PHACTR1: variants seen among roughly 807,000 people sequenced by gnomAD.
The protein encoded by PHACTR1 is RPEL repeat containing 1.
PHACTR1 carries 16 observed loss-of-function variants against 69.2 expected under a neutral mutation model. That is an observed-to-expected ratio of 0.23 (90% CI 0.16 to 0.35). The LOEUF is 0.35. Among genes scored for constraint, PHACTR1 ranks in the 10% least tolerant of loss-of-function variants. The probability of loss-of-function intolerance (pLI) is 1.00; values close to 1 mark genes in which losing one functional copy is unlikely to be tolerated. For missense variants in PHACTR1, 510 were observed against 734.7 expected (o/e 0.69, Z 3.54); for synonymous variants, 312 against 284.5 (o/e 1.10, Z -0.97).
At chr6:13,064,463 A>G (rs1808181581) in intron 5 of PHACTR1, among the ~76,000 whole-genome samples, 1 of 150,118 alleles carries the variant, frequency 6.7e-6, no homozygotes, top group Non-Finnish European at 1.5e-5. Context: ...CAATGCAGAT[A>G]TAATAAGCAA....
At chr6:12,757,550 A>G (rs1040863230) in intron 4 of PHACTR1, among the ~76,000 whole-genome samples, 2 of 152,198 alleles carry the variant, frequency 1.3e-5, no homozygotes, top group African/African-American at 4.8e-5. Context: ...TTTGGAGGCT[A>G]TGAACGGTGG....
At chr6:13,276,954 A>G (rs1352043925) in intron 11 of PHACTR1, among the ~76,000 whole-genome samples, 1 of 152,222 alleles carries the variant, frequency 6.6e-6, no homozygotes, top group Non-Finnish European at 1.5e-5. Context: ...GGCAGTCGTG[A>G]TGCACCCTAT....
At chr6:12,870,482 A>G (rs763055981) in intron 4 of PHACTR1, among the ~76,000 whole-genome samples, 1 of 152,226 alleles carries the variant, frequency 6.6e-6, no homozygotes, top group Non-Finnish European at 1.5e-5. Flanking sequence ...AGAAAATGTC[A>G]GCCTGCGAAA....
At chr6:12,717,085 A>C (rs1242198675) in intron 1 of PHACTR1, among the ~76,000 whole-genome samples, 189 bp downstream of exon 1, 1 of 152,062 alleles carries the variant, frequency 6.6e-6, no homozygotes, top group Non-Finnish European at 1.5e-5. Context: ...TGCAGAAGGG[A>C]AGAGTTATTT....
intron 10 of PHACTR1, among the ~76,000 whole-genome samples, chr6:13,248,857 A>T (rs751014385): frequency 6.6e-6 from 1 of 152,214 alleles, no homozygotes; most frequent in Non-Finnish European, 1.5e-5. Flanking sequence ...GCCACAGCGG[A>T]GAGAAAGTTG....
chr6:13,273,083 C>G (rs1190565476), intron 11 of PHACTR1, 168 bp downstream of exon 11: 2 of 999,908 alleles, frequency 2.0e-6, no homozygotes, highest in Admixed American at 5.3e-5. Context: ...ACGACCTCCC[C>G]AAAGAGAAGG....
intron 4 of PHACTR1, among the ~76,000 whole-genome samples, chr6:12,850,141 G>A (rs1053990886): frequency 6.6e-6 from 1 of 152,132 alleles, no homozygotes; most frequent in Non-Finnish European, 1.5e-5. Context: ...CTTGCCCTGG[G>A]CAAATTTTAC....
chr6:13,230,484 T>G, intron 10 of PHACTR1: 1 of 396,448 alleles, frequency 2.5e-6, no homozygotes, highest in Non-Finnish European at 4.3e-6. Context: ...AGGTGTAGGT[T>G]CCAGTGAGCC....
At chr6:12,784,678 A>C (rs759144683) in intron 4 of PHACTR1, among the ~76,000 whole-genome samples, 4 of 151,694 alleles carry the variant, frequency 2.6e-5, no homozygotes, top group African/African-American at 9.7e-5. Flanking sequence ...ATACATACAC[A>C]TCCACACGTG....
intron 4 of PHACTR1, among the ~76,000 whole-genome samples, chr6:12,966,813 A>G (rs1012855720): frequency 3.9e-5 from 6 of 152,200 alleles, no homozygotes; most frequent in Non-Finnish European, 7.3e-5. Flanking sequence ...AATATAATAT[A>G]TATTACTGAG....
At chr6:12,912,760 C>G (rs1786554058) in intron 4 of PHACTR1, among the ~76,000 whole-genome samples, 1 of 152,142 alleles carries the variant, frequency 6.6e-6, no homozygotes, top group South Asian at 2.1e-4. Context: ...CGAAATTAGC[C>G]AGGGCAATAT....
At chr6:12,862,299 C>G (rs1016065208) in intron 4 of PHACTR1, among the ~76,000 whole-genome samples, 2 of 152,134 alleles carry the variant, frequency 1.3e-5, no homozygotes, top group Non-Finnish European at 2.9e-5. Context: ...GTTGGTGAGT[C>G]CTGTGGAGAT....
At chr6:13,201,717 A>G (rs1253672698) in intron 7 of PHACTR1, among the ~76,000 whole-genome samples, 1 of 152,354 alleles carries the variant, frequency 6.6e-6, no homozygotes, top group East Asian at 1.9e-4. Flanking sequence ...GACAGATAAT[A>G]TGCAGCTGGT....
intron 5 of PHACTR1, among the ~76,000 whole-genome samples, chr6:13,058,167 T>A (rs1375051431): frequency 1.3e-5 from 2 of 152,030 alleles, no homozygotes; most frequent in Non-Finnish European, 2.9e-5. Context: ...GATGATAACA[T>A]CCCCTCTGAA....
chr6:12,940,509 C>T (rs1351644002), intron 4 of PHACTR1, among the ~76,000 whole-genome samples: 2 of 152,110 alleles, frequency 1.3e-5, no homozygotes, highest in Non-Finnish European at 2.9e-5. Context: ...ATGATGTTTG[C>T]CCCAGAAGTC....
chr6:13,022,727 A>G (rs1260696516), intron 4 of PHACTR1, among the ~76,000 whole-genome samples: 2 of 151,970 alleles, frequency 1.3e-5, no homozygotes, highest in Non-Finnish European at 2.9e-5. Context: ...AATAGAAAGT[A>G]TCTCTCCTGT....
intron 4 of PHACTR1, among the ~76,000 whole-genome samples, chr6:13,005,646 C>T (rs1159579162): frequency 2.0e-5 from 3 of 152,136 alleles, no homozygotes; most frequent in Non-Finnish European, 2.9e-5. Context: ...CCTGGAGTGC[C>T]GGAATCAAGA....
chr6:13,282,362 CTAAAG>C (rs1337542345), intron 12 of PHACTR1, among the ~76,000 whole-genome samples: 3 of 152,168 alleles, frequency 2.0e-5, no homozygotes, highest in South Asian at 4.1e-4. Flanking sequence ...CCTTATGTTG[CTAAAG>C]TAGAGGAAGG....
chr6:12,770,953 C>T (rs1268831655), intron 4 of PHACTR1, among the ~76,000 whole-genome samples: 1 of 152,092 alleles, frequency 6.6e-6, no homozygotes, highest in East Asian at 1.9e-4. Context: ...GAGTGCAAAT[C>T]GCATGCACAC....
Sources: allele counts gnomAD v4.1 joint callset (sites outside exome capture counted in the v4.1 genomes callset), GRCh38; gene constraint gnomAD v4.1.1; transcripts MANE v1.5; gene names NCBI Gene and HGNC (gene_info 2026-07-23, HGNC 2026-07-21).